KDM5B: variants seen among roughly 807,000 people sequenced by gnomAD.
The protein encoded by KDM5B is lysine demethylase 5B.
A neutral mutation model predicts 193.4 loss-of-function variants in KDM5B; 144 were observed. The ratio of observed to expected loss-of-function variants is 0.74; its 90% CI spans 0.65 to 0.86. The LOEUF is 0.86. Among genes scored for constraint, KDM5B ranks in the 40% least tolerant of loss-of-function variants. The pLI, the probability that KDM5B is intolerant of heterozygous loss-of-function variation, is 0.00. For missense variants in KDM5B, 1,833 were observed against 1,886.9 expected, an observed-to-expected ratio of 0.97 and a Z score of 0.53; for synonymous variants, 668 against 682.6, an observed-to-expected ratio of 0.98 and a Z score of 0.33.
rs151332177 is a variant in KDM5B at position 202,800,382 on chromosome 1, C to T, written c.204+7720G>A. 7.3e-3 allele frequency among the ~76,000 whole-genome samples: 1,103 copies of T among 152,070 alleles called. 9 individuals are homozygous for T. Among genetic ancestry groups the T allele is most frequent in the African/African-American group, 0.025 (1,053 of 41,470 alleles). ...TTTTTGAAACGTCTTGCTCTGTTGC[C>T]CAGGCTGGAGTGCAGTGGCGTGATC... On this transcript the variant is annotated intron_variant, in intron 1 of 26. Transcript: ENST00000367265.
At chr1:202,737,754 G>T (rs1655149253) in intron 20 of KDM5B, among the ~76,000 whole-genome samples, 1 of 152,160 alleles carries the variant, frequency 6.6e-6, no homozygotes, top group African/African-American at 2.4e-5. Context: ...TCAGTGACAT[G>T]AGAAAAAGTG....
At chr1:202,782,324 A>G (rs2102313866) in intron 1 of KDM5B, among the ~76,000 whole-genome samples, 1 of 152,334 alleles carries the variant, frequency 6.6e-6, no homozygotes, top group East Asian at 1.9e-4. Flanking sequence ...GAACTAAAAT[A>G]CCTTTGGCAA....
At chr1:202,802,477 C>T (rs936213519) in intron 1 of KDM5B, among the ~76,000 whole-genome samples, 1 of 152,162 alleles carries the variant, frequency 6.6e-6, no homozygotes, top group Non-Finnish European at 1.5e-5. Flanking sequence ...ACTGCAACCT[C>T]TGCCTCCTGG....
At chr1:202,729,418 G>A (rs1308629365) in intron 26 of KDM5B, 7 of 599,560 alleles carry the variant, frequency 1.2e-5, no homozygotes, top group African/African-American at 1.1e-4. Flanking sequence ...TGATAAGTAA[G>A]CCAAAGGGCA....
chr1:202,769,787 A>G (rs1656637242), intron 4 of KDM5B, among the ~76,000 whole-genome samples: 1 of 152,150 alleles, frequency 6.6e-6, no homozygotes, highest in Non-Finnish European at 1.5e-5. Flanking sequence ...TCTATTCTAT[A>G]ACAAGTCCTC....
At chr1:202,770,026 A>G (rs1037139459) in intron 4 of KDM5B, among the ~76,000 whole-genome samples, 3 of 152,220 alleles carry the variant, frequency 2.0e-5, no homozygotes, top group African/African-American at 4.8e-5. Context: ...GTTAGTCTCA[A>G]TGGTTCCATC....
intron 1 of KDM5B, among the ~76,000 whole-genome samples, chr1:202,804,939 A>C (rs1018903085): frequency 2.6e-5 from 4 of 152,184 alleles, no homozygotes; most frequent in Admixed American, 6.5e-5. Flanking sequence ...CAAGAAAATA[A>C]GTTACTAAAG....
chr1:202,784,638 A>G (rs974843489), intron 1 of KDM5B, among the ~76,000 whole-genome samples: 1 of 152,220 alleles, frequency 6.6e-6, no homozygotes, highest in East Asian at 1.9e-4. Context: ...AACTCCTATA[A>G]AAGACAAGCA....
At chr1:202,763,873 C>A (rs1429887117) in intron 6 of KDM5B, among the ~76,000 whole-genome samples, 176 bp downstream of exon 6, 1 of 152,186 alleles carries the variant, frequency 6.6e-6, no homozygotes, top group Non-Finnish European at 1.5e-5. Context: ...AGAACAAGGA[C>A]ACTGTTGATA....
rs183654874 is a variant in KDM5B, at chr1:202,775,504, T to G, written c.283-769A>C. ...GTGAGCAAAGATCATGCTACTGCAC[T>G]CCAGCCCAGGTGACAGTGCAAGACT... On this transcript the variant is annotated intron_variant, in intron 2 of 26. Transcript: ENST00000367265. Among the ~76,000 whole-genome samples, 299 of 150,814 alleles carry G rather than the reference T, an allele frequency of 2.0e-3. 1 individual carries two copies. Among genetic ancestry groups the G allele is most frequent in the Admixed American group, 3.9e-3 (58 of 14,920 alleles).
intron 1 of KDM5B, among the ~76,000 whole-genome samples, chr1:202,785,253 G>C (rs1178332947): frequency 6.6e-6 from 1 of 152,142 alleles, no homozygotes; most frequent in East Asian, 1.9e-4. Context: ...AACCCTAGCT[G>C]GCATGTAACT....
In KDM5B at chr1:202,741,720, ATCCT is replaced by A. The variant is rs1175164563; in HGVS notation, c.2590-2_2591del. The A allele has an allele frequency of 1.1e-5, 17 of 1,570,538 alleles. No individual in the cohort carries two copies. The highest frequency in any genetic ancestry group is 1.7e-4 in the Middle Eastern group (1 of 5,940). ...GAAAATCTTCTACACGATTCAAGAG[ATCCT>A]AAAAAAAAATACACAGGTTGTTGCA... On this transcript the variant is annotated splice_acceptor_variant and coding_sequence_variant, in exon 19 of 27. Coordinates refer to ENST00000367265, the MANE Select transcript of KDM5B (RefSeq NM_006618.5). LOFTEE classifies it high-confidence loss of function.
chr1:202,787,942 T>G (rs1021626903), intron 1 of KDM5B, among the ~76,000 whole-genome samples: 1 of 152,014 alleles, frequency 6.6e-6, no homozygotes, highest in Non-Finnish European at 1.5e-5. Context: ...CACAGATATT[T>G]AGCTGAAAGG....
intron 2 of KDM5B, among the ~76,000 whole-genome samples, chr1:202,775,571 C>T (rs2102300943): frequency 6.8e-6 from 1 of 147,852 alleles, no homozygotes. Context: ...AATAATTATA[C>T]ATGGTCGGGT....
intron 7 of KDM5B, among the ~76,000 whole-genome samples, chr1:202,762,434 G>C (rs1333449281): frequency 1.3e-5 from 2 of 152,214 alleles, no homozygotes; most frequent in Non-Finnish European, 2.9e-5. Flanking sequence ...TTATTAGTCA[G>C]TGCTAAACTG....
At chr1:202,747,806 T>A (rs115168035) in intron 14 of KDM5B, among the ~76,000 whole-genome samples, 1 of 152,120 alleles carries the variant, frequency 6.6e-6, no homozygotes, top group Non-Finnish European at 1.5e-5. Context: ...GTTCATGAAT[T>A]GGAAGACTCA....
At chr1:202,736,469 T>G in intron 20 of KDM5B, 77 bp from the exon 21 acceptor site, 3 of 1,189,010 alleles carry the variant, frequency 2.5e-6, no homozygotes, top group Non-Finnish European at 3.5e-6. Flanking sequence ...TTAATTCAGA[T>G]TGGTCCATTG....
chr1:202,808,180 G>C lies in KDM5B; in HGVS notation c.126C>G (p.Phe42Leu). 3 of 1,613,210 alleles carry C rather than the reference G, an allele frequency of 1.9e-6. No individual in the cohort carries two copies. The highest frequency in any genetic ancestry group is 2.5e-6 in the Non-Finnish European group (3 of 1,179,598). Reference protein sequence around the residue: ...CPVFEPSWEEFADPFAFIHKI... With the variant: ...CPVFEPSWEELADPFAFIHKI... ...TGTGGATGAAAGCGAAGGGGTCCGC[G>C]AACTCTTCCCAGCTGGGTTCGAAGA... Residue 42 changes from phenylalanine to leucine, a missense_variant, in exon 1 of 27, where the codon TTC becomes TTG. Around this residue, in one of 3 missense-constraint regions of KDM5B, gnomAD observed 355 missense variants for 374.9 expected, o/e 0.95. Transcript: ENST00000367265.
intron 4 of KDM5B, chr1:202,767,543 C>A: frequency 1.6e-6 from 1 of 618,516 alleles, no homozygotes; most frequent in East Asian, 2.8e-5. Context: ...GGATTCCCTC[C>A]TTTTTTAATC....
Sources: gnomAD v4.1 joint callset for allele counts (sites outside exome capture counted in the v4.1 genomes callset) on GRCh38, gnomAD v4.1.1 for gene constraint, gnomAD v4.1.1 regional missense constraint, MANE v1.5 for transcripts, NCBI Gene and HGNC (gene_info 2026-07-23, HGNC 2026-07-21) for gene names.